VAV3: variants seen among roughly 807,000 people sequenced by gnomAD.
The protein encoded by VAV3 is vav guanine nucleotide exchange factor 3, also known as guanine nucleotide exchange factor VAV3.
A neutral mutation model predicts 131.2 loss-of-function variants in VAV3; 94 were observed. That is an observed-to-expected ratio of 0.72 (90% CI 0.61 to 0.85). The LOEUF (loss-of-function observed/expected upper bound fraction) is 0.85. Among genes scored for constraint, VAV3 ranks in the 40% least tolerant of loss-of-function variants. The pLI, the probability that VAV3 is intolerant of heterozygous loss-of-function variation, is 0.00. For missense variants in VAV3, 939 were observed against 1,002.7 expected (o/e 0.94, Z 0.86); for synonymous variants, 349 against 342.0 (o/e 1.02, Z -0.22).
intron 2 of VAV3, among the ~76,000 whole-genome samples, chr1:107,788,390 A>G (rs1666128477): frequency 1.3e-5 from 2 of 151,918 alleles, no homozygotes; most frequent in South Asian, 4.2e-4. Context: ...GTTCAGCCAC[A>G]CCCAACTGCT....
chr1:107,683,400 T>C, intron 19 of VAV3, 88 bp downstream of exon 19: 1 of 1,477,184 alleles, frequency 6.8e-7, no homozygotes, highest in East Asian at 2.3e-5. Flanking sequence ...AGGCCAACAA[T>C]ATGCCTCACT....
intron 19 of VAV3, among the ~76,000 whole-genome samples, chr1:107,653,137 G>A (rs977497888): frequency 2.0e-4 from 31 of 151,710 alleles, no homozygotes; most frequent in African/African-American, 7.0e-4. Context: ...AGGGTTTATT[G>A]ATTTATAAGC....
At chr1:107,869,710 T>C (rs1670167026) in intron 2 of VAV3, among the ~76,000 whole-genome samples, 1 of 152,176 alleles carries the variant, frequency 6.6e-6, no homozygotes, top group Non-Finnish European at 1.5e-5. Flanking sequence ...ATGAGTAAGT[T>C]ATTTAGTGGT....
intron 2 of VAV3, among the ~76,000 whole-genome samples, chr1:107,787,253 A>G (rs550069856): frequency 6.6e-6 from 1 of 152,290 alleles, no homozygotes; most frequent in South Asian, 2.1e-4. Context: ...TCTTGTATTT[A>G]CTGAACACTT....
intron 21 of VAV3, among the ~76,000 whole-genome samples, chr1:107,615,202 A>G (rs565401538): frequency 1.4e-4 from 22 of 152,150 alleles, no homozygotes; most frequent in Non-Finnish European, 2.1e-4. Context: ...AAAGCTGACA[A>G]AAACAGGCAA....
chr1:107,602,403 A>G lies in VAV3; in HGVS notation c.2214T>C (p.Ser738=), dbSNP rs773746469. 1.3e-6 allele frequency: 2 copies of G among 1,560,922 alleles called. No homozygotes were observed. Among genetic ancestry groups the G allele is most frequent in the South Asian group, 2.4e-5 (2 of 83,332 alleles). Residue 738 remains serine (S), a synonymous_variant, in exon 24 of 27, where the codon AGT becomes AGC. Transcript: ENST00000370056. ...FHIAENRKFK[S]LMELVEYYKH... Reference sequence around the variant, plus strand: ...AGAAATAATCAATGCTTACCATTAAACTTTTAAATTTTCTATTTTCTGCAA... The same window carrying G: ...AGAAATAATCAATGCTTACCATTAAGCTTTTAAATTTTCTATTTTCTGCAA...
chr1:107,781,701 AAAAAG>A (rs1191762080), intron 2 of VAV3, among the ~76,000 whole-genome samples: 1 of 152,298 alleles, frequency 6.6e-6, no homozygotes, highest in East Asian at 1.9e-4. Flanking sequence ...GTGAGACTAG[AAAAAG>A]AAAAGAAAAT....
Position 107,779,441 on chromosome 1 carries a change from C to T in VAV3, c.373G>A (p.Gly125Arg), listed in dbSNP as rs773583357. 2 of 1,589,460 alleles carry T rather than the reference C, an allele frequency of 1.3e-6. No individual in the cohort carries two copies. The highest frequency in any genetic ancestry group is 2.7e-5 in the African/African-American group (2 of 73,864). The change falls in exon 3 of 27, where the codon GGA (glycine) becomes AGA (arginine). Residue 125 changes from glycine (G) to arginine (R), a missense_variant. Coordinates refer to ENST00000370056, the MANE Select transcript of VAV3 (RefSeq NM_006113.5). Reference sequence around the variant, plus strand: ...AACGAAAACAGAGCTTACCTGATTCCTGTGGCCAATGCTATAGGTGTTCGA... The same window carrying T: ...AACGAAAACAGAGCTTACCTGATTCTTGTGGCCAATGCTATAGGTGTTCGA... ...LSRTPIALAT[G>R]IRPFPTEESI...
At chr1:107,806,423 T>C (rs1313989515) in intron 2 of VAV3, among the ~76,000 whole-genome samples, 1 of 152,108 alleles carries the variant, frequency 6.6e-6, no homozygotes, top group East Asian at 1.9e-4. Flanking sequence ...GGGATATTGT[T>C]AGTCTTGCTG....
intron 15 of VAV3, among the ~76,000 whole-genome samples, chr1:107,740,244 G>C (rs7553163): frequency 6.6e-6 from 1 of 150,772 alleles, no homozygotes; most frequent in Admixed American, 6.6e-5. Flanking sequence ...CTGAGATCGC[G>C]CCACTGTACT....
chr1:107,722,565 C>T (rs757595079), intron 15 of VAV3, among the ~76,000 whole-genome samples: 1 of 152,114 alleles, frequency 6.6e-6, no homozygotes, highest in African/African-American at 2.4e-5. Flanking sequence ...TTTCAAAGAA[C>T]ATTTACTGAA....
chr1:107,673,685 G>C (rs1024835871), intron 19 of VAV3: 2 of 152,136 alleles, frequency 1.3e-5, no homozygotes, highest in East Asian at 3.8e-4. Context: ...TCAAAGAGTT[G>C]AAAGAACAAA....
chr1:107,840,647 T>C (rs566544577), intron 2 of VAV3, among the ~76,000 whole-genome samples: 1 of 151,532 alleles, frequency 6.6e-6, no homozygotes, highest in African/African-American at 2.4e-5. Flanking sequence ...TAAAGAAACG[T>C]AAAGGAAGCA....
chr1:107,818,843 A>G (rs545806782), intron 2 of VAV3, among the ~76,000 whole-genome samples: 21 of 152,304 alleles, frequency 1.4e-4, no homozygotes, highest in Admixed American at 3.9e-4. Flanking sequence ...CCCTCTCGAC[A>G]TGCTACCATC....
chr1:107,859,517 C>T (rs1377168940), intron 2 of VAV3, among the ~76,000 whole-genome samples: 1 of 152,160 alleles, frequency 6.6e-6, no homozygotes, highest in African/African-American at 2.4e-5. Flanking sequence ...TCCTAAAATA[C>T]TTGTAAACTG....
At chr1:107,887,408 T>C (rs770523046) in intron 1 of VAV3, among the ~76,000 whole-genome samples, 2 of 152,242 alleles carry the variant, frequency 1.3e-5, no homozygotes, top group African/African-American at 4.8e-5. Context: ...TGTATCACAA[T>C]TGTATCAAAT....
intron 15 of VAV3, among the ~76,000 whole-genome samples, chr1:107,738,174 G>C (rs550529154): frequency 6.6e-6 from 1 of 152,254 alleles, no homozygotes; most frequent in East Asian, 1.9e-4. Context: ...TTGGACGAAG[G>C]GTGGGGAACA....
At chr1:107,893,823 A>G (rs550406433) in intron 1 of VAV3, among the ~76,000 whole-genome samples, 1 of 152,198 alleles carries the variant, frequency 6.6e-6, no homozygotes, top group Non-Finnish European at 1.5e-5. Flanking sequence ...TAAATATGGC[A>G]TTGTTCTTCT....
intron 2 of VAV3, among the ~76,000 whole-genome samples, chr1:107,842,341 G>C (rs950603769): frequency 7.9e-5 from 12 of 152,204 alleles, no homozygotes; most frequent in Non-Finnish European, 1.5e-4. Flanking sequence ...GGCCACAGTT[G>C]AGTGGCCCAG....
Sources: gnomAD v4.1 joint callset for allele counts (sites outside exome capture counted in the v4.1 genomes callset) on GRCh38, gnomAD v4.1.1 for gene constraint, MANE v1.5 for transcripts, NCBI Gene and HGNC (gene_info 2026-07-23, HGNC 2026-07-21) for gene names.